The following SHC2 variants were observed in gnomAD, a reference collection of about 807,000 sequenced individuals.
SHC2 encodes SHC adaptor protein 2.
Under a neutral mutation model 60.6 loss-of-function variants are expected in SHC2, and 62 were observed. The ratio of observed to expected loss-of-function variants is 1.02; its 90% CI spans 0.83 to 1.26. The LOEUF is 1.26. SHC2 is among the 50% of genes most tolerant of loss of function. The pLI, the probability that SHC2 is intolerant of heterozygous loss-of-function variation, is 0.00. For synonymous variants in SHC2, 375 were observed against 372.4 expected (o/e 1.01, Z -0.08); for missense variants, 873 against 822.2 (o/e 1.06, Z -0.76).
rs371105830 is a variant in SHC2, at chr19:425,169, G to C, written c.1237C>G (p.Leu413Val). The C allele has an allele frequency of 1.4e-4, 187 of 1,360,304 alleles. No individual in the cohort carries two copies. The highest frequency in any genetic ancestry group is 2.0e-4 in the Middle Eastern group (1 of 5,018). 84.3% of individuals were successfully genotyped at this position (1,360,304 alleles called of 1,614,324 possible). ...ARGPPDHEEH[L>V]YVNTQGLDAP... Reference sequence around the variant, plus strand: ...TCCAGACCCTGGGTGTTGACATACAGGTGCTCCTCGTGGTCCGGGGGGCCC... The same window carrying C: ...TCCAGACCCTGGGTGTTGACATACACGTGCTCCTCGTGGTCCGGGGGGCCC... Residue 413 changes from leucine (L) to valine (V), a missense_variant, in exon 10 of 13, where the codon CTG (leucine) becomes GTG (valine). Transcript: ENST00000264554. The surrounding 1 kb of genome is among the most constrained non-coding windows in gnomAD (Gnocchi z 4.1).
rs1974842998 is a variant in SHC2, at chr19:440,736, G to A, written c.539+126C>T. On this transcript the variant is annotated intron_variant, in intron 2 of 12. Transcript: ENST00000264554. The surrounding 1 kb of genome is among the most constrained non-coding windows in gnomAD (Gnocchi z 7.0). ...GCGTGAAGTGGGAGGGAGGTGGGGG[G>A]CACCGAGGCTGCGTCCTGGGACCCC... 5 of 773,360 alleles carry A rather than the reference G, an allele frequency of 6.5e-6. No individual in the cohort carries two copies. Among genetic ancestry groups the A allele is most frequent in the South Asian group, 3.1e-5 (2 of 64,696 alleles). 47.9% of individuals were successfully genotyped at this position (773,360 alleles called of 1,614,324 possible). A position where few individuals can be genotyped will look rare whatever the true frequency, so the allele number is the denominator to read the frequency against.
At chr19:448,854 G>A (rs1197210539) in intron 1 of SHC2, among the ~76,000 whole-genome samples, 1 of 152,120 alleles carries the variant, frequency 6.6e-6, no homozygotes, top group Non-Finnish European at 1.5e-5. Context: ...GGCTAAAGGT[G>A]GTAAAAGAGA....
At chr19:420,245 C>A (rs1465710849) in intron 11 of SHC2, among the ~76,000 whole-genome samples, 1 of 152,188 alleles carries the variant, frequency 6.6e-6, no homozygotes, top group African/African-American at 2.4e-5. Flanking sequence ...GGCTCAGGAA[C>A]TGGGAGAACA....
chr19:426,036 A>C (rs1974407928), intron 9 of SHC2, among the ~76,000 whole-genome samples: 1 of 152,012 alleles, frequency 6.6e-6, no homozygotes, highest in South Asian at 2.1e-4. Context: ...CTCCAAAAAA[A>C]AAAAAAAAAA....
intron 1 of SHC2, among the ~76,000 whole-genome samples, chr19:459,273 T>C (rs369718565): frequency 2.8e-5 from 4 of 144,582 alleles, no homozygotes; most frequent in African/African-American, 1.0e-4. Flanking sequence ...CAACTCGGTG[T>C]AGGGGGAAGG....
rs1250893540 is a variant in SHC2 at position 430,686 on chromosome 19, G to C, written c.1172C>G (p.Thr391Arg). 7.4e-6 allele frequency: 12 copies of C among 1,612,656 alleles called. No individual in the cohort carries two copies. Among genetic ancestry groups the C allele is most frequent in the Non-Finnish European group, 9.3e-6 (11 of 1,179,694 alleles). Reference protein sequence around the residue: ...SLPWDVGSTGTAPPGDGYVQA... With the variant: ...SLPWDVGSTGRAPPGDGYVQA... ...CTTGCAGCCCCAGCCCATCCTACCT[G>C]TACCGGTGGACCCCACGTCCCATGG... The change falls in exon 9 of 13, where the codon ACA (threonine) becomes AGA (arginine). Residue 391 changes from threonine (T) to arginine (R), a missense_variant and splice_region_variant. Thr to Arg is a moderately conservative substitution (Grantham distance 71, BLOSUM62 -1). Coordinates refer to ENST00000264554, the MANE Select transcript of SHC2 (RefSeq NM_012435.3).
At chr19:427,087 G>C (rs532044168) in intron 9 of SHC2, among the ~76,000 whole-genome samples, 1 of 152,234 alleles carries the variant, frequency 6.6e-6, no homozygotes, top group Non-Finnish European at 1.5e-5. Flanking sequence ...CAGGACCAGA[G>C]CACAGCTGGG....
chr19:457,424 A>G (rs1455731141), intron 1 of SHC2, among the ~76,000 whole-genome samples: 1 of 106,586 alleles, frequency 9.4e-6, no homozygotes, highest in Non-Finnish European at 1.9e-5. Flanking sequence ...TCCATGGCTC[A>G]GGTCTCAGCT....
chr19:433,666 C>G (rs372934213), intron 8 of SHC2, among the ~76,000 whole-genome samples: 5 of 27,926 alleles, frequency 1.8e-4, no homozygotes, highest in East Asian at 3.6e-3. Context: ...TAGAGGAGGC[C>G]GGGCAGATAG....
intron 1 of SHC2, among the ~76,000 whole-genome samples, chr19:460,293 C>CCCCCGCCGCCCTCT (rs1478211497): frequency 1.6e-5 from 2 of 125,680 alleles, no homozygotes; most frequent in African/African-American, 5.2e-5. Flanking sequence ...GCGCGCCCCT[C>CCCCCGCCGCCCTCT]CCCCGCCGCC....
Position 430,689 on chromosome 19 carries a change from C to A in SHC2, c.1169G>T (p.Gly390Val). ...CSLPWDVGST[G>V]TAPPGDGYVQ... ...GCAGCCCCAGCCCATCCTACCTGTA[C>A]CGGTGGACCCCACGTCCCATGGCAG... is the stretch of plus-strand genomic sequence containing the variant. The change falls in exon 9 of 13, where the codon GGT (glycine) becomes GTT (valine). Residue 390 changes from glycine to valine, a missense_variant. Physicochemically the swap from Gly to Val is moderately radical, Grantham distance 109 (BLOSUM62 -3). Transcript: ENST00000264554. 1.2e-6 allele frequency: 2 copies of A among 1,612,866 alleles called. No homozygotes were observed. The highest frequency in any genetic ancestry group is 8.5e-7 in the Non-Finnish European group (1 of 1,179,724).
chr19:434,571 A>AATCT, intron 8 of SHC2, 138 bp downstream of exon 8: 1 of 512,762 alleles, frequency 2.0e-6, no homozygotes, highest in East Asian at 3.6e-5. Flanking sequence ...ATCATGAGTG[A>AATCT]GTGAGTGAGT....
chr19:451,620 CAT>C (rs1975201105), intron 1 of SHC2, among the ~76,000 whole-genome samples: 1 of 152,172 alleles, frequency 6.6e-6, no homozygotes, highest in African/African-American at 2.4e-5. Context: ...TGTTTTGAGA[CAT>C]AGTCTCACTC....
At chr19:451,488 T>G (rs915327664) in intron 1 of SHC2, among the ~76,000 whole-genome samples, 2 of 152,274 alleles carry the variant, frequency 1.3e-5, no homozygotes, top group Non-Finnish European at 2.9e-5. Flanking sequence ...TATGCTGCTG[T>G]GGCCGTGAGT....
chr19:450,818 T>C, intron 1 of SHC2, among the ~76,000 whole-genome samples: 1 of 151,246 alleles, frequency 6.6e-6, no homozygotes, highest in East Asian at 2.0e-4. Flanking sequence ...GGCCACGTCA[T>C]ATTTCAGTGT....
intron 1 of SHC2, among the ~76,000 whole-genome samples, chr19:450,626 C>A (rs75408787): frequency 6.6e-6 from 1 of 152,220 alleles, no homozygotes; most frequent in African/African-American, 2.4e-5. Flanking sequence ...CCGAGTGAGA[C>A]ATCCTCAAGG....
chr19:449,920 G>A (rs565696131), intron 1 of SHC2, among the ~76,000 whole-genome samples: 8 of 152,322 alleles, frequency 5.3e-5, no homozygotes, highest in African/African-American at 1.9e-4. Context: ...GCTCTACGTA[G>A]TCTACTGTTC....
intron 11 of SHC2, among the ~76,000 whole-genome samples, chr19:421,516 G>A (rs1974272977): frequency 6.6e-6 from 1 of 152,130 alleles, no homozygotes; most frequent in South Asian, 2.1e-4. Flanking sequence ...AAAATTCCTT[G>A]TAAATTGAGA....
chr19:438,808 C>T lies in SHC2; in HGVS notation c.630G>A (p.Leu210=). 1.3e-6 allele frequency: 2 copies of T among 1,573,372 alleles called. No individual in the cohort carries two copies. Among genetic ancestry groups the T allele is most frequent in the Non-Finnish European group, 1.7e-6 (2 of 1,160,672 alleles). The part of the protein sequence containing the change: ...KAPNKALASV[L]GKSNLRFAGM... ...CGGCAAAGCGAAGGTTGCTCTTGCC[C>T]AGGACGGACGCCAGGGCCTTGTTGG... Residue 210 remains leucine (L), a synonymous_variant, in exon 4 of 13, where the codon CTG becomes CTA. Coordinates refer to ENST00000264554, the MANE Select transcript of SHC2 (RefSeq NM_012435.3). This position sits in a 1 kb window ranked among gnomAD's most constrained non-coding sequence, Gnocchi z 5.0.
Sources: gnomAD v4.1 joint callset for allele counts (sites outside exome capture counted in the v4.1 genomes callset) on GRCh38, gnomAD v4.1.1 for gene constraint, Gnocchi (gnomAD v3.1) non-coding constraint, MANE v1.5 for transcripts, NCBI Gene and HGNC (gene_info 2026-07-23, HGNC 2026-07-21) for gene names.